The following SPTLC3 variants were observed in gnomAD, a reference collection of about 807,000 sequenced individuals.
The protein encoded by SPTLC3 is serine palmitoyltransferase 3.
In SPTLC3, 36 loss-of-function variants were observed where a neutral mutation model predicts 59.3. That is an observed-to-expected ratio of 0.61 (90% confidence interval 0.47 to 0.80). SPTLC3 has a LOEUF of 0.80. Ranked by LOEUF, SPTLC3 falls within the 30% of genes least tolerant of loss-of-function variation. SPTLC3 has a pLI of 0.00. For synonymous variants in SPTLC3, 257 were observed against 240.8 expected (o/e 1.07, Z -0.62); for missense variants, 625 against 685.1 (o/e 0.91, Z 0.98).
In SPTLC3 at chr20:13,039,213, G is replaced by A. The variant is rs114335724; in HGVS notation, c.118-9732G>A. On this transcript the variant is annotated intron_variant, in intron 1 of 11. Coordinates refer to ENST00000399002, the MANE Select transcript of SPTLC3 (RefSeq NM_018327.4). ...CTACTTATTTTATTCATTATTGAAA[G>A]CAACATATTAAAGACTCTAATATTA... 7.1e-3 allele frequency among the ~76,000 whole-genome samples: 1,082 copies of A among 151,990 alleles called. 14 individuals carry two copies. The highest frequency in any genetic ancestry group is 0.024 in the African/African-American group (1,009 of 41,472).
intron 6 of SPTLC3, among the ~76,000 whole-genome samples, chr20:13,097,524 A>G (rs1989460856): frequency 6.6e-6 from 1 of 152,108 alleles, no homozygotes. Flanking sequence ...CTGTCTCTAC[A>G]GCAGTGTTCT....
chr20:13,040,948 A>G (rs576677526), intron 1 of SPTLC3, among the ~76,000 whole-genome samples: 1 of 152,162 alleles, frequency 6.6e-6, no homozygotes, highest in South Asian at 2.1e-4. Context: ...TACTCCAAAG[A>G]AAGCTGTTCA....
chr20:13,100,140 G>C (rs1246219539), intron 6 of SPTLC3, among the ~76,000 whole-genome samples: 2 of 152,168 alleles, frequency 1.3e-5, no homozygotes, highest in East Asian at 3.8e-4. Context: ...AAATGAATCA[G>C]AATTCTGGGC....
At chr20:13,032,808 T>G (rs1255673407) in intron 1 of SPTLC3, among the ~76,000 whole-genome samples, 1 of 152,180 alleles carries the variant, frequency 6.6e-6, no homozygotes, top group Non-Finnish European at 1.5e-5. Context: ...ATCCTCACTG[T>G]TTTGTTGGCT....
chr20:13,163,391 T>A (rs966954266), intron 11 of SPTLC3, among the ~76,000 whole-genome samples: 2,746 of 93,812 alleles, frequency 0.029, 23 homozygotes, highest in Non-Finnish European at 0.043. Flanking sequence ...AAAAAAAAAA[T>A]AGAAATCCTA....
intron 1 of SPTLC3, among the ~76,000 whole-genome samples, chr20:13,034,432 C>CT (rs775362352): frequency 6.8e-4 from 103 of 152,168 alleles, no homozygotes; most frequent in Non-Finnish European, 1.2e-3. Context: ...AAGGTACATA[C>CT]TTTTTTTTCC....
intron 4 of SPTLC3, among the ~76,000 whole-genome samples, chr20:13,075,560 T>G (rs1027439338): frequency 6.6e-6 from 1 of 152,150 alleles, no homozygotes; most frequent in African/African-American, 2.4e-5. Context: ...GTGCACAGAT[T>G]TCTTAAGAAA....
At chr20:13,028,005 T>C (rs1252381761) in intron 1 of SPTLC3, among the ~76,000 whole-genome samples, 1 of 152,196 alleles carries the variant, frequency 6.6e-6, no homozygotes, top group Admixed American at 6.5e-5. Context: ...GAATGGTTAA[T>C]TCTAGACCCA....
intron 1 of SPTLC3, among the ~76,000 whole-genome samples, chr20:13,044,302 A>G (rs1158025594): frequency 6.6e-6 from 1 of 151,902 alleles, no homozygotes; most frequent in Non-Finnish European, 1.5e-5. Flanking sequence ...GAGTTTCACC[A>G]TGTTGGCCAG....
At chr20:13,134,111 G>A (rs2038188479) in intron 9 of SPTLC3, among the ~76,000 whole-genome samples, 1 of 152,186 alleles carries the variant, frequency 6.6e-6, no homozygotes, top group African/African-American at 2.4e-5. Flanking sequence ...TACGTACCAT[G>A]CACAGGTGCA....
At chr20:13,155,775 G>A (rs1014974196) in intron 10 of SPTLC3, among the ~76,000 whole-genome samples, 1 of 152,096 alleles carries the variant, frequency 6.6e-6, no homozygotes, top group Admixed American at 6.5e-5. Context: ...GCAGTGAGCC[G>A]AGATTGCACC....
chr20:13,101,109 TAA>T (rs1157132999), intron 6 of SPTLC3, among the ~76,000 whole-genome samples: 1 of 152,226 alleles, frequency 6.6e-6, no homozygotes, highest in Non-Finnish European at 1.5e-5. Flanking sequence ...CCAGGATAGA[TAA>T]CTCACTGTTA....
At chr20:13,065,862 C>A (rs1988184456) in intron 2 of SPTLC3, among the ~76,000 whole-genome samples, 1 of 69,380 alleles carries the variant, frequency 1.4e-5, no homozygotes, top group African/African-American at 4.8e-5. Flanking sequence ...ATAATTATAA[C>A]TGTCAAGCTA....
chr20:13,162,826 A>T (rs750814921), intron 11 of SPTLC3, among the ~76,000 whole-genome samples: 2 of 152,138 alleles, frequency 1.3e-5, no homozygotes, highest in Non-Finnish European at 2.9e-5. Flanking sequence ...CATCTCAGGC[A>T]CAAGCTCAAA....
intron 9 of SPTLC3, among the ~76,000 whole-genome samples, chr20:13,153,331 C>A (rs1177783688): frequency 6.6e-6 from 1 of 152,198 alleles, no homozygotes; most frequent in Non-Finnish European, 1.5e-5. Context: ...ATAACCTTGA[C>A]ATGGACCCAT....
chr20:13,097,008 A>G (rs987162714), intron 6 of SPTLC3, among the ~76,000 whole-genome samples: 3 of 152,102 alleles, frequency 2.0e-5, no homozygotes, highest in East Asian at 1.9e-4. Flanking sequence ...GAAAAGGCAT[A>G]TAAGTGCTTA....
chr20:13,124,509 AC>A (rs2037942355), intron 8 of SPTLC3, among the ~76,000 whole-genome samples: 1 of 152,184 alleles, frequency 6.6e-6, no homozygotes. Context: ...AAACAAAAAA[AC>A]AAAGGGAATA....
chr20:13,015,550 G>A (rs565221975), intron 1 of SPTLC3, among the ~76,000 whole-genome samples: 1 of 152,262 alleles, frequency 6.6e-6, no homozygotes, highest in South Asian at 2.1e-4. Flanking sequence ...GACTCAGGAT[G>A]AAAAATGCAT....
intron 1 of SPTLC3, among the ~76,000 whole-genome samples, chr20:13,044,160 T>A (rs1987125006): frequency 6.6e-6 from 1 of 151,398 alleles, no homozygotes; most frequent in Non-Finnish European, 1.5e-5. Flanking sequence ...AGTGCAGTGA[T>A]GCAATCTTGG....
Sources: allele counts gnomAD v4.1 joint callset (sites outside exome capture counted in the v4.1 genomes callset), GRCh38; gene constraint gnomAD v4.1.1; transcripts MANE v1.5; gene names NCBI Gene and HGNC (gene_info 2026-07-23, HGNC 2026-07-21).